Variants in TARM1 observed in about 807,000 individuals in gnomAD.
TARM1 encodes the protein T-cell-interacting, activating receptor on myeloid cells protein 1.
Under a neutral mutation model 30.4 loss-of-function variants are expected in TARM1, and 24 were observed. The observed-to-expected ratio is 0.79, with a 90% CI of 0.57 to 1.11. TARM1 has a LOEUF of 1.11. Among genes scored for constraint, TARM1 ranks in the 50% least tolerant of loss-of-function variants. The pLI is 0.00. For synonymous variants in TARM1, 129 were observed against 138.9 expected (o/e 0.93, Z 0.50); for missense variants, 323 against 332.8 (o/e 0.97, Z 0.23).
chr19:54,072,903 G>A (rs1197153088), intron 4 of TARM1, among the ~76,000 whole-genome samples: 2 of 151,964 alleles, frequency 1.3e-5, no homozygotes, highest in Non-Finnish European at 1.5e-5. Context: ...GCTTAAACTC[G>A]GGAGGCAGAG....
intron 1 of TARM1, among the ~76,000 whole-genome samples, chr19:54,077,312 A>G (rs1304678099): frequency 5.3e-5 from 8 of 151,896 alleles, no homozygotes; most frequent in Admixed American, 5.3e-4. Context: ...CCCAGGAGGC[A>G]GAGTTTGCAA....
At position 54,074,141 on chromosome 19, in the gene TARM1, C is replaced by T. The variant is rs987325977; in HGVS notation, c.437G>A (p.Cys146Tyr). The T allele has an allele frequency of 6.4e-7, 1 of 1,551,576 alleles. No individual in the cohort carries two copies. Among genetic ancestry groups the T allele is most frequent in the African/African-American group, 1.4e-5 (1 of 73,040 alleles). Residue 146 changes from cysteine (C) to tyrosine (Y), a missense_variant, in exon 4 of 5, where the codon TGC becomes TAC. By Grantham distance (194) the Cys-to-Tyr change is radical. Transcript: ENST00000432826. ...CACAAACAATTGGTCTCGCTTCTGG[C>T]ACTGCAGAGTCACCCTTCCACCTGC... ...VTAGGRVTLQ[C>Y]QKRDQLFVPI...
intron 1 of TARM1, among the ~76,000 whole-genome samples, chr19:54,079,956 G>A (rs1339697688): frequency 1.4e-5 from 2 of 148,028 alleles, no homozygotes; most frequent in African/African-American, 5.0e-5. Context: ...GTGAGCTGTG[G>A]TCATACCACT....
chr19:54,081,312 C>CA lies in TARM1; in HGVS notation c.28dup (p.Cys10LeufsTer65). 1 of 1,547,922 alleles carries CA rather than the reference C, an allele frequency of 6.5e-7. No homozygotes were observed. Among genetic ancestry groups the CA allele is most frequent in the Middle Eastern group, 1.7e-4 (1 of 5,984 alleles). On this transcript the variant is annotated frameshift_variant, in exon 1 of 5. Transcript: ENST00000432826. LOFTEE classifies it high-confidence loss of function. ...GATAGCCCTGTGAGACTTACTGAAA[C>CA]AGAGGAGGGAAAGCAGCTTAGGGAT...
chr19:54,075,141 G>C, intron 2 of TARM1, 27 bp from the exon 3 acceptor site: 3 of 1,541,812 alleles, frequency 1.9e-6, no homozygotes, highest in Non-Finnish European at 2.6e-6. Context: ...CCTGATGCTG[G>C]ACCCGATGCC....
chr19:54,072,061 C>A (rs6509842), intron 4 of TARM1, among the ~76,000 whole-genome samples: 103,278 of 151,642 alleles, frequency 0.68, 35,274 homozygotes, highest in South Asian at 0.72. Context: ...CAGGGTGGCA[C>A]ACATATAGTC....
At position 54,080,092 on chromosome 19, in the gene TARM1, AAAGGAAGG is replaced by A. The variant is rs774286454; in HGVS notation, c.34+1207_34+1214del. On this transcript the variant is annotated intron_variant, in intron 1 of 4. Coordinates refer to ENST00000432826, the MANE Select transcript of TARM1 (RefSeq NM_001135686.3). ...GAAGGAATGAAGGAGAAAGAGAAAG[AAAGGAAGG>A]AAGGAAGGAAGGAAGGAAGGAAGGA... Among the ~76,000 whole-genome samples the A allele has an allele frequency of 2.7e-4, 16 of 58,482 alleles. 2 individuals carry two copies. Among genetic ancestry groups the A allele is most frequent in the Non-Finnish European group, 4.6e-4 (16 of 34,912 alleles). The allele number at this position is 58,482 out of a possible 152,430, so 38.4% of individuals were successfully genotyped here.
chr19:54,074,301 T>C (rs2071890357), intron 3 of TARM1, 85 bp from the exon 4 acceptor site: 3 of 1,292,636 alleles, frequency 2.3e-6, no homozygotes, highest in Non-Finnish European at 3.2e-6. Flanking sequence ...GAGGCTCTCG[T>C]GGAGTGTGGG....
At chr19:54,070,260 G>A (rs765121995) in intron 4 of TARM1, 100 bp from the exon 5 acceptor site, 29 of 1,450,636 alleles carry the variant, frequency 2.0e-5, no homozygotes, top group Admixed American at 2.8e-5. Flanking sequence ...TAATGTTTTC[G>A]GTTTTTTGGT....
chr19:54,077,394 A>G (rs1022185158), intron 1 of TARM1, among the ~76,000 whole-genome samples: 1 of 152,084 alleles, frequency 6.6e-6, no homozygotes, highest in Non-Finnish European at 1.5e-5. Flanking sequence ...AGAAAAAAAA[A>G]AGAGAAAGAA....
Position 54,073,357 on chromosome 19 carries a change from G to A in TARM1, c.658+563C>T, listed in dbSNP as rs587676955. 7.3e-4 allele frequency among the ~76,000 whole-genome samples: 87 copies of A among 119,370 alleles called. 2 individuals carry two copies. The South Asian group carries it at 0.023, about 31-fold the overall frequency. The allele number at this position is 119,370 out of a possible 152,430, so 78.3% of individuals were successfully genotyped here. A position where few individuals can be genotyped will look rare whatever the true frequency, so the allele number is the denominator to read the frequency against. ...CTGGAAGGTGGAGGTTGCAGTGAGC[G>A]AAGATCGCGCCATTGCACTCCATCC... On this transcript the variant is annotated intron_variant, in intron 4 of 4. Transcript: ENST00000432826.
At chr19:54,071,755 T>A (rs2071817766) in intron 4 of TARM1, among the ~76,000 whole-genome samples, 1 of 151,004 alleles carries the variant, frequency 6.6e-6, no homozygotes, top group African/African-American at 2.4e-5. Context: ...GGCCTGGGGT[T>A]GGGGGGTGGA....
At chr19:54,073,365 C>T (rs1225705148) in intron 4 of TARM1, among the ~76,000 whole-genome samples, 6 of 119,222 alleles carry the variant, frequency 5.0e-5, no homozygotes, top group Admixed American at 1.1e-4. Context: ...GCGAAGATCG[C>T]GCCATTGCAC....
At chr19:54,072,619 C>A (rs2071839351) in intron 4 of TARM1, among the ~76,000 whole-genome samples, 1 of 152,056 alleles carries the variant, frequency 6.6e-6, no homozygotes, top group African/African-American at 2.4e-5. Flanking sequence ...GCTGGGATTA[C>A]AGGCCTGAGC....
rs1160744134 is a variant in TARM1 at position 54,079,436 on chromosome 19, A to G, written c.34+1871T>C. The stretch of plus-strand genomic sequence containing the variant: ...AGGATGCTGGGATATCTGGTTAAAC[A>G]TTATTTCTGGGCGTGTCTGTGAGGG... On this transcript the variant is annotated intron_variant, in intron 1 of 4. Coordinates refer to ENST00000432826, the MANE Select transcript of TARM1 (RefSeq NM_001135686.3). Among the ~76,000 whole-genome samples, 5 of 152,280 alleles carry G rather than the reference A, an allele frequency of 3.3e-5. No individual in the cohort carries two copies. The South Asian group carries it at 8.3e-4, about 25-fold the overall frequency.
At chr19:54,072,336 C>A (rs587750017) in intron 4 of TARM1, among the ~76,000 whole-genome samples, 39 of 152,198 alleles carry the variant, frequency 2.6e-4, no homozygotes, top group Middle Eastern at 3.4e-3. Context: ...ACAGCAGTTA[C>A]AACAGATGAA....
intron 1 of TARM1, among the ~76,000 whole-genome samples, chr19:54,079,523 G>A (rs2072043804): frequency 6.6e-6 from 1 of 152,036 alleles, no homozygotes; most frequent in African/African-American, 2.4e-5. Context: ...CCTTCCTAAT[G>A]GAGGTGGGTA....
At chr19:54,070,305 C>T (rs2071780283) in intron 4 of TARM1, 145 bp from the exon 5 acceptor site, 5 of 1,311,080 alleles carry the variant, frequency 3.8e-6, no homozygotes, top group Non-Finnish European at 5.1e-6. Context: ...CTCTTGTTGA[C>T]CAGGCTGGAG....
At chr19:54,077,439 A>G (rs73060651) in intron 1 of TARM1, among the ~76,000 whole-genome samples, 1 of 152,036 alleles carries the variant, frequency 6.6e-6, no homozygotes, top group Non-Finnish European at 1.5e-5. Flanking sequence ...GTTTATGAAC[A>G]TTATCATAAT....
Sources: allele counts gnomAD v4.1 joint callset (sites outside exome capture counted in the v4.1 genomes callset), GRCh38; gene constraint gnomAD v4.1.1; transcripts MANE v1.5; gene names NCBI Gene and HGNC (gene_info 2026-07-23, HGNC 2026-07-21).